Variants in LANCL1 observed in about 807,000 individuals in gnomAD.
LANCL1 encodes the protein LanC like glutathione S-transferase 1, also known as glutathione S-transferase LANCL1.
Under a neutral mutation model 50.6 loss-of-function variants are expected in LANCL1, and 50 were observed. That is an observed-to-expected ratio of 0.99 (90% CI 0.79 to 1.25). LANCL1 has a LOEUF of 1.25. LANCL1 is among the 50% of genes most tolerant of loss of function. LANCL1 has a pLI of 0.00. For synonymous variants in LANCL1, 188 were observed against 178.6 expected (o/e 1.05, Z -0.42); for missense variants, 532 against 480.7 (o/e 1.11, Z -1.00).
intron 3 of LANCL1, among the ~76,000 whole-genome samples, chr2:210,459,731 C>T (rs1342820431): frequency 2.2e-5 from 3 of 133,620 alleles, no homozygotes; most frequent in Non-Finnish European, 3.3e-5. Flanking sequence ...ATGTTGATAA[C>T]TATTAAAAAC....
chr2:210,458,632 A>T (rs974498431), intron 3 of LANCL1, among the ~76,000 whole-genome samples: 3 of 152,074 alleles, frequency 2.0e-5, no homozygotes, highest in African/African-American at 7.2e-5. Context: ...CTGGTGGGGG[A>T]TGGCGGAGAA....
Position 210,476,684 on chromosome 2 carries a change from C to G in LANCL1, c.-81G>C. 8.2e-7 allele frequency: 1 copy of G among 1,212,592 alleles called. No homozygotes were observed. The highest frequency in any genetic ancestry group is 1.0e-6 in the Non-Finnish European group (1 of 970,894). The allele number at this position is 1,212,592 out of a possible 1,614,324, so 75.1% of individuals were successfully genotyped here. ...CCCGCGACTTGAAGCAAGTGCGCCT[C>G]CCGCGTCCTGAAGCCCTTCTCGGCC... On this transcript the variant is annotated 5_prime_UTR_variant, in exon 1 of 10. Transcript: ENST00000450366.
intron 3 of LANCL1, among the ~76,000 whole-genome samples, chr2:210,469,651 T>G (rs1053523340): frequency 6.6e-6 from 1 of 152,166 alleles, no homozygotes; most frequent in Non-Finnish European, 1.5e-5. Flanking sequence ...GGATAAAAGG[T>G]TGAAGGATAT....
At chr2:210,471,270 C>A (rs546487828) in intron 3 of LANCL1, among the ~76,000 whole-genome samples, 87 of 142,052 alleles carry the variant, frequency 6.1e-4, no homozygotes, top group African/African-American at 2.1e-3. Flanking sequence ...TGGTCTTGAT[C>A]TCTTGACCTC....
chr2:210,445,812 G>C (rs920205167), intron 4 of LANCL1, among the ~76,000 whole-genome samples: 1 of 152,168 alleles, frequency 6.6e-6, no homozygotes, highest in Admixed American at 6.5e-5. Context: ...CACACAAACA[G>C]GATAGTTCTG....
chr2:210,473,015 G>A (rs569683906), intron 2 of LANCL1, among the ~76,000 whole-genome samples: 21 of 152,132 alleles, frequency 1.4e-4, no homozygotes, highest in Non-Finnish European at 2.9e-4. Context: ...CAATCATTAC[G>A]TTATTCTTCT....
At chr2:210,467,718 ATTG>A (rs1694108814) in intron 3 of LANCL1, among the ~76,000 whole-genome samples, 1 of 152,234 alleles carries the variant, frequency 6.6e-6, no homozygotes, top group African/African-American at 2.4e-5. Flanking sequence ...TAAACTGCAC[ATTG>A]TTAAGGGTCA....
chr2:210,465,557 T>C (rs904178472), intron 3 of LANCL1, among the ~76,000 whole-genome samples: 5 of 152,190 alleles, frequency 3.3e-5, no homozygotes, highest in African/African-American at 1.2e-4. Flanking sequence ...GCATTTTTAG[T>C]GAAACTGCAG....
rs369634623 is a variant in LANCL1 at position 210,454,513 on chromosome 2, G to A, written c.407+594C>T. Among the ~76,000 whole-genome samples the A allele has an allele frequency of 2.6e-5, 4 of 152,262 alleles. No homozygotes were observed. In the East Asian group the frequency reaches 5.8e-4, roughly 22 times the overall value. On this transcript the variant is annotated intron_variant, in intron 4 of 9. Coordinates refer to ENST00000450366, the MANE Select transcript of LANCL1 (RefSeq NM_006055.3). ...TAAAACGTTGCTGGAGTGTTAGCAC[G>A]CGCAGTGGAGCCTAAGAGCGATGCA...
chr2:210,444,612 A>T (rs758233486), intron 4 of LANCL1, among the ~76,000 whole-genome samples: 2 of 152,240 alleles, frequency 1.3e-5, no homozygotes, highest in Non-Finnish European at 2.9e-5. Flanking sequence ...TTAGTTAAAT[A>T]TGCAAATGCT....
rs917614639 is a variant in LANCL1, at chr2:210,442,834, T to A, written c.408-1391A>T. On this transcript the variant is annotated intron_variant, in intron 4 of 9. Transcript: ENST00000450366. ...GTGCTGTCTGAACAAAGAGAACTCC[T>A]AATATCAGAGAGAATGGGTTAACCC... 2.6e-5 allele frequency: 4 copies of A among 152,272 alleles called. No homozygotes were observed. In the East Asian group the frequency reaches 7.7e-4, roughly 29 times the overall value. 9.4% of individuals were successfully genotyped at this position (152,272 alleles called of 1,614,324 possible).
chr2:210,441,551 T>C (rs1693135465), intron 4 of LANCL1, 108 bp from the exon 5 acceptor site: 1 of 787,254 alleles, frequency 1.3e-6, no homozygotes, highest in Non-Finnish European at 2.0e-6. Context: ...AATATGTATT[T>C]ATACATATAT....
intron 3 of LANCL1, among the ~76,000 whole-genome samples, chr2:210,459,048 T>A (rs1403755293): frequency 6.6e-6 from 1 of 152,062 alleles, no homozygotes; most frequent in Non-Finnish European, 1.5e-5. Flanking sequence ...AAGCAAAAAA[T>A]AGAGTGGAGA....
At position 210,432,926 on chromosome 2, in the gene LANCL1, C is replaced by G. The variant is rs559275524; in HGVS notation, c.*1561G>C. On this transcript the variant is annotated 3_prime_UTR_variant, in exon 10 of 10. Transcript: ENST00000450366. The stretch of plus-strand genomic sequence containing the variant: ...TGAGCAGTGGGCTGCTTTTTAAATC[C>G]TACTGCCAGTGGCCTTTAAAAGGTC... 17 of 152,612 alleles carry G rather than the reference C, an allele frequency of 1.1e-4. No individual in the cohort carries two copies. The South Asian group carries it at 3.3e-3, about 30-fold the overall frequency. 9.5% of individuals were successfully genotyped at this position (152,612 alleles called of 1,614,324 possible).
chr2:210,476,777 A>T (rs1218358353), upstream of LANCL1: 28 of 1,019,838 alleles, frequency 2.7e-5, no homozygotes, highest in Non-Finnish European at 3.3e-5. Flanking sequence ...TCCTGCCAGG[A>T]GGGCCAATCA....
At chr2:210,474,152 T>A (rs1694293628) in intron 2 of LANCL1, among the ~76,000 whole-genome samples, 1 of 152,250 alleles carries the variant, frequency 6.6e-6, no homozygotes, top group South Asian at 2.1e-4. Flanking sequence ...ACTCTAGCTA[T>A]AATCTGAAGT....
intron 3 of LANCL1, among the ~76,000 whole-genome samples, chr2:210,466,284 TA>T (rs1201634634): frequency 1.3e-5 from 2 of 152,132 alleles, no homozygotes; most frequent in Admixed American, 6.5e-5. Context: ...CAGGGGGTCA[TA>T]AGGACCTCTC....
intron 2 of LANCL1, among the ~76,000 whole-genome samples, chr2:210,474,438 C>T (rs6727682): frequency 6.6e-6 from 1 of 151,686 alleles, no homozygotes; most frequent in Non-Finnish European, 1.5e-5. Context: ...AAATTTGGCC[C>T]GACATGGTGG....
chr2:210,467,503 CTTCCT>C (rs914819025), intron 3 of LANCL1, among the ~76,000 whole-genome samples: 13 of 152,168 alleles, frequency 8.5e-5, no homozygotes, highest in Admixed American at 8.5e-4. Flanking sequence ...TGTATTTTCC[CTTCCT>C]TATGATTTTC....
Sources: gnomAD v4.1 joint callset for allele counts (sites outside exome capture counted in the v4.1 genomes callset) on GRCh38, gnomAD v4.1.1 for gene constraint, MANE v1.5 for transcripts, NCBI Gene and HGNC (gene_info 2026-07-23, HGNC 2026-07-21) for gene names.